The following TNS1 variants were observed in gnomAD, a reference collection of about 807,000 sequenced individuals.
The protein encoded by TNS1 is tensin 1.
A neutral mutation model predicts 168.6 loss-of-function variants in TNS1; 62 were observed. The ratio of observed to expected loss-of-function variants is 0.37; its 90% confidence interval spans 0.30 to 0.45. TNS1 has a LOEUF of 0.45. Ranked by LOEUF, TNS1 falls within the 20% of genes least tolerant of loss-of-function variation. The pLI, the probability that TNS1 is intolerant of heterozygous loss-of-function variation, is 1.00. For synonymous variants in TNS1, 934 were observed against 933.2 expected (o/e 1.00, Z -0.02); for missense variants, 2,240 against 2,339.4 (o/e 0.96, Z 0.88).
rs145404398 is a variant in TNS1, at chr2:217,997,807, G to A, written c.33+5033C>T. ...TGGCGCATGGTGAGCGCTCAGCAGCGGTGAGCGATTCGTGTTGTCTTTTCT... is the reference window on the plus strand; with the variant it reads ...TGGCGCATGGTGAGCGCTCAGCAGCAGTGAGCGATTCGTGTTGTCTTTTCT... On this transcript the variant is annotated intron_variant, in intron 1 of 32. Coordinates refer to ENST00000682258, the MANE Select transcript of TNS1 (RefSeq NM_001387777.1). Among the ~76,000 whole-genome samples, 574 of 152,332 alleles carry A rather than the reference G, an allele frequency of 3.8e-3. 3 individuals carry two copies. Among genetic ancestry groups the A allele is most frequent in the African/African-American group, 0.013 (541 of 41,574 alleles).
At chr2:217,840,927 T>C (rs1417827071) in intron 19 of TNS1, among the ~76,000 whole-genome samples, 2 of 151,482 alleles carry the variant, frequency 1.3e-5, no homozygotes, top group Non-Finnish European at 2.9e-5. Context: ...CTCTGGCTCA[T>C]GCAGACAGGA....
chr2:217,947,475 A>C (rs1031804127), intron 3 of TNS1, among the ~76,000 whole-genome samples: 1 of 152,056 alleles, frequency 6.6e-6, no homozygotes, highest in African/African-American at 2.4e-5. Flanking sequence ...AGCAGAGAGA[A>C]TGGGACAAAG....
intron 18 of TNS1, among the ~76,000 whole-genome samples, chr2:217,878,122 AG>A (rs1950353610): frequency 6.6e-6 from 1 of 152,210 alleles, no homozygotes; most frequent in African/African-American, 2.4e-5. Flanking sequence ...GGGTCGGGCC[AG>A]GGGCTCAGCT....
intron 3 of TNS1, among the ~76,000 whole-genome samples, chr2:217,941,438 T>G (rs3828278): frequency 0.47 from 71,862 of 152,142 alleles, 21,677 homozygotes; most frequent in African/African-American, 0.87. Context: ...AGCAGCTGGG[T>G]GCGGACCTGG....
At position 217,847,500 on chromosome 2, in the gene TNS1, T is replaced by C. The variant is rs747616849; in HGVS notation, c.3007+10A>G. Reference sequence around the variant, plus strand: ...AGGGGTAGAAGGAGTCAGGACTGAATACCTCTTACCTGCTACCCTGTGGGC... The same window carrying C: ...AGGGGTAGAAGGAGTCAGGACTGAACACCTCTTACCTGCTACCCTGTGGGC... On this transcript the variant is annotated intron_variant, in intron 19 of 32. Transcript: ENST00000682258. 3 of 1,441,556 alleles carry C rather than the reference T, an allele frequency of 2.1e-6. No homozygotes were observed. The East Asian group carries it at 7.0e-5, about 33-fold the overall frequency. The allele number at this position is 1,441,556 out of a possible 1,614,324, so 89.3% of individuals were successfully genotyped here.
chr2:217,876,912 C>T (rs1950250208), intron 18 of TNS1, among the ~76,000 whole-genome samples: 1 of 152,146 alleles, frequency 6.6e-6, no homozygotes, highest in African/African-American at 2.4e-5. Context: ...TTCTGTTGAA[C>T]AAGCCCCTGG....
chr2:217,974,861 T>G (rs1452965173), intron 3 of TNS1, among the ~76,000 whole-genome samples: 3 of 152,222 alleles, frequency 2.0e-5, no homozygotes, highest in African/African-American at 7.2e-5. Context: ...GCCCTGTCTC[T>G]GGGCATCTGT....
chr2:217,903,691 G>A (rs1559332788), intron 6 of TNS1: 1 of 1,269,220 alleles, frequency 7.9e-7, no homozygotes, highest in Non-Finnish European at 1.1e-6. Flanking sequence ...TTTTCTCACT[G>A]TCAGGAATTT....
chr2:217,876,698 G>A (rs971865684), intron 18 of TNS1, among the ~76,000 whole-genome samples: 1 of 152,128 alleles, frequency 6.6e-6, no homozygotes, highest in Non-Finnish European at 1.5e-5. Context: ...GGTGAAAAGA[G>A]ATCATTAGGG....
intron 21 of TNS1, among the ~76,000 whole-genome samples, chr2:217,834,521 T>C (rs1018313088): frequency 2.6e-5 from 4 of 152,206 alleles, no homozygotes; most frequent in African/African-American, 9.7e-5. Flanking sequence ...CTTAGGTGGA[T>C]GTGTCTCTGT....
chr2:217,882,858 C>T lies in TNS1; in HGVS notation c.1247-447G>A, dbSNP rs532218623. Among the ~76,000 whole-genome samples, 393 of 152,206 alleles carry T rather than the reference C, an allele frequency of 2.6e-3. 6 individuals are homozygous for T. Among genetic ancestry groups the T allele is most frequent in the African/African-American group, 8.9e-3 (368 of 41,536 alleles). On this transcript the variant is annotated intron_variant, in intron 16 of 32. Transcript: ENST00000682258. ...TCACCCTAGATGGAGTACAGTGGTG[C>T]GATCACAGCTCACTGCAACCTCAAT...
At chr2:217,861,888 C>A (rs1948815873) in intron 18 of TNS1, among the ~76,000 whole-genome samples, 1 of 152,190 alleles carries the variant, frequency 6.6e-6, no homozygotes, top group Non-Finnish European at 1.5e-5. Flanking sequence ...TCTCACCAGC[C>A]CATATGTATC....
intron 32 of TNS1, among the ~76,000 whole-genome samples, chr2:217,806,979 T>A (rs935735905): frequency 2.6e-5 from 4 of 152,354 alleles, no homozygotes; most frequent in South Asian, 4.1e-4. Context: ...GACCCGTCCT[T>A]AAATATCTGC....
intron 18 of TNS1, among the ~76,000 whole-genome samples, chr2:217,858,958 G>GCCCAGC (rs60001129): frequency 0.24 from 27,570 of 114,258 alleles, 3,893 homozygotes; most frequent in Middle Eastern, 0.35. Context: ...CCCAACCCCA[G>GCCCAGC]CCCAGCCCCA....
chr2:217,987,506 G>A (rs1253320305), intron 2 of TNS1, among the ~76,000 whole-genome samples: 3 of 152,194 alleles, frequency 2.0e-5, no homozygotes, highest in African/African-American at 7.2e-5. Context: ...GCAAGAGGGA[G>A]GAAAACGGAA....
intron 12 of TNS1, among the ~76,000 whole-genome samples, chr2:217,889,753 CA>C (rs1309722739): frequency 2.0e-5 from 3 of 152,232 alleles, no homozygotes; most frequent in African/African-American, 7.2e-5. Context: ...GCGGATTCAG[CA>C]CCATGTCACC....
chr2:217,869,054 A>C (rs1221435440), intron 18 of TNS1, among the ~76,000 whole-genome samples: 1 of 152,218 alleles, frequency 6.6e-6, no homozygotes, highest in Non-Finnish European at 1.5e-5. Flanking sequence ...TTATCAAAGG[A>C]AAAGGGACTG....
At chr2:217,909,615 G>A (rs978397475) in intron 4 of TNS1, among the ~76,000 whole-genome samples, 5 of 141,006 alleles carry the variant, frequency 3.5e-5, no homozygotes, top group Admixed American at 2.8e-4. Flanking sequence ...TTAGACCTAC[G>A]GTGGGACTTA....
intron 19 of TNS1, among the ~76,000 whole-genome samples, chr2:217,841,895 A>T (rs1235074891): frequency 6.6e-6 from 1 of 152,098 alleles, no homozygotes; most frequent in Non-Finnish European, 1.5e-5. Flanking sequence ...TCACCAGAAA[A>T]GTCCTTAAGA....
Sources: allele counts gnomAD v4.1 joint callset (sites outside exome capture counted in the v4.1 genomes callset), GRCh38; gene constraint gnomAD v4.1.1; transcripts MANE v1.5; gene names NCBI Gene and HGNC (gene_info 2026-07-23, HGNC 2026-07-21).